The following SMAP1 variants were observed in gnomAD, a reference collection of about 807,000 sequenced individuals.
The protein encoded by SMAP1 is stromal membrane-associated protein 1.
In SMAP1, 24 loss-of-function variants were observed where a neutral mutation model predicts 58.5. That is an observed-to-expected ratio of 0.41 (90% CI 0.30 to 0.58). The LOEUF (loss-of-function observed/expected upper bound fraction) is 0.58. Among genes scored for constraint, SMAP1 ranks in the 20% least tolerant of loss-of-function variants. The probability of loss-of-function intolerance (pLI) is 0.29; values close to 1 mark genes in which losing one functional copy is unlikely to be tolerated. For missense variants in SMAP1, 563 were observed against 566.3 expected, an observed-to-expected ratio of 0.99 and a Z score of 0.06; for synonymous variants, 216 against 196.6, an observed-to-expected ratio of 1.10 and a Z score of -0.82.
intron 1 of SMAP1, among the ~76,000 whole-genome samples, chr6:70,718,658 A>G (rs1158268094): frequency 6.6e-6 from 1 of 151,954 alleles, no homozygotes; most frequent in Non-Finnish European, 1.5e-5. Flanking sequence ...CGTCTCTGCT[A>G]AAAATACAAA....
chr6:70,860,898 T>C lies in SMAP1; in HGVS notation c.*564T>C, dbSNP rs966482864. 2.3e-5 allele frequency: 9 copies of C among 389,826 alleles called. No homozygotes were observed. The East Asian group carries it at 3.3e-4, about 14-fold the overall frequency. 24.1% of individuals were successfully genotyped at this position (389,826 alleles called of 1,614,324 possible). On this transcript the variant is annotated 3_prime_UTR_variant, in exon 11 of 11. Coordinates refer to ENST00000370455, the MANE Select transcript of SMAP1 (RefSeq NM_001044305.3). ...AGTGAAAGGAAGATAAACGTGGATG[T>C]TACTCCAAAACTTCGTTTAATGAAT... is the stretch of plus-strand genomic sequence containing the variant.
chr6:70,708,982 T>C (rs1343544605), intron 1 of SMAP1, among the ~76,000 whole-genome samples: 3 of 152,208 alleles, frequency 2.0e-5, no homozygotes, highest in East Asian at 1.9e-4. Context: ...GTCCCACTTG[T>C]TTATTTTTGC....
At chr6:70,775,608 TA>T (rs1767515461) in intron 4 of SMAP1, among the ~76,000 whole-genome samples, 1 of 152,212 alleles carries the variant, frequency 6.6e-6, no homozygotes, top group African/African-American at 2.4e-5. Context: ...CAAATATGGC[TA>T]ATGTTAGTAT....
intron 1 of SMAP1, among the ~76,000 whole-genome samples, chr6:70,728,695 G>A (rs1157652860): frequency 6.6e-6 from 1 of 152,192 alleles, no homozygotes; most frequent in Non-Finnish European, 1.5e-5. Flanking sequence ...TGTTATGAGT[G>A]TAGACATTTA....
chr6:70,775,922 G>A (rs1310914875), intron 4 of SMAP1, among the ~76,000 whole-genome samples: 1 of 152,048 alleles, frequency 6.6e-6, no homozygotes, highest in African/African-American at 2.4e-5. Context: ...CTAATCTTAG[G>A]TATTACTGAG....
At chr6:70,773,266 G>A in intron 3 of SMAP1, 84 bp from the exon 4 acceptor site, 1 of 772,030 alleles carries the variant, frequency 1.3e-6, no homozygotes, top group Non-Finnish European at 2.1e-6. Flanking sequence ...TAAATTTAGA[G>A]TCCCAGCTTT....
chr6:70,849,454 T>C (rs1771106349), intron 7 of SMAP1, among the ~76,000 whole-genome samples: 2 of 152,142 alleles, frequency 1.3e-5, no homozygotes, highest in South Asian at 4.1e-4. Flanking sequence ...GGAAAGAGAA[T>C]ATGGACTTGT....
intron 1 of SMAP1, among the ~76,000 whole-genome samples, chr6:70,670,623 A>G (rs528388896): frequency 6.6e-6 from 1 of 152,340 alleles, no homozygotes; most frequent in East Asian, 1.9e-4. Context: ...AAGAAGTTTC[A>G]TTCTGTGTAT....
intron 4 of SMAP1, 68 bp from the exon 5 acceptor site, chr6:70,791,621 T>A: frequency 6.0e-6 from 8 of 1,333,792 alleles, no homozygotes; most frequent in Non-Finnish European, 8.4e-6. Context: ...TTTTCTTTCC[T>A]GTGCCTGTCA....
At chr6:70,685,284 A>G (rs1398596363) in intron 1 of SMAP1, among the ~76,000 whole-genome samples, 1 of 91,314 alleles carries the variant, frequency 1.1e-5, no homozygotes, top group East Asian at 5.0e-4. Context: ...AGTAGTTAAT[A>G]CTTTTTTTTT....
chr6:70,835,015 C>G (rs894018728), intron 6 of SMAP1, among the ~76,000 whole-genome samples: 2 of 151,282 alleles, frequency 1.3e-5, no homozygotes, highest in Non-Finnish European at 2.9e-5. Flanking sequence ...TTTGGGAGGC[C>G]GAGGCTAGCG....
chr6:70,709,618 A>G (rs539366110), intron 1 of SMAP1, among the ~76,000 whole-genome samples: 1 of 152,176 alleles, frequency 6.6e-6, no homozygotes, highest in Admixed American at 6.5e-5. Context: ...CACTGCACCC[A>G]TCCTATAATA....
chr6:70,834,065 T>G (rs982876547), intron 6 of SMAP1, among the ~76,000 whole-genome samples: 3 of 152,202 alleles, frequency 2.0e-5, no homozygotes, highest in African/African-American at 4.8e-5. Flanking sequence ...TCCAAATTGT[T>G]TGCAGTAGTT....
At chr6:70,690,874 GT>G (rs1417372585) in intron 1 of SMAP1, among the ~76,000 whole-genome samples, 2 of 148,638 alleles carry the variant, frequency 1.3e-5, no homozygotes, top group African/African-American at 4.9e-5. Context: ...CTTCCCCACT[GT>G]TTTTTTTTCC....
chr6:70,731,843 C>G (rs1018451196), intron 1 of SMAP1, among the ~76,000 whole-genome samples: 3 of 152,090 alleles, frequency 2.0e-5, no homozygotes, highest in Non-Finnish European at 1.5e-5. Flanking sequence ...AGTTAAAGAG[C>G]ACTTTCACTA....
intron 2 of SMAP1, among the ~76,000 whole-genome samples, chr6:70,742,580 T>G (rs1765861522): frequency 6.6e-6 from 1 of 152,196 alleles, no homozygotes; most frequent in Non-Finnish European, 1.5e-5. Flanking sequence ...CATTTTCCTG[T>G]CTTCTTCTGA....
chr6:70,690,688 T>TTATATA (rs111848722), intron 1 of SMAP1, among the ~76,000 whole-genome samples: 118 of 136,588 alleles, frequency 8.6e-4, no homozygotes, highest in Admixed American at 1.5e-3. Context: ...GATGTATCTT[T>TTATATA]TATATATATA....
chr6:70,814,511 T>A (rs987196539), intron 6 of SMAP1, among the ~76,000 whole-genome samples: 1 of 152,136 alleles, frequency 6.6e-6, no homozygotes, highest in African/African-American at 2.4e-5. Context: ...CCTTTTAGAT[T>A]TATAGACTGC....
chr6:70,697,753 A>G (rs1204182660), intron 1 of SMAP1, among the ~76,000 whole-genome samples: 1 of 152,210 alleles, frequency 6.6e-6, no homozygotes, highest in Non-Finnish European at 1.5e-5. Context: ...TAAACTGATG[A>G]CAACTTAATT....
Sources: gnomAD v4.1 joint callset for allele counts (sites outside exome capture counted in the v4.1 genomes callset) on GRCh38, gnomAD v4.1.1 for gene constraint, MANE v1.5 for transcripts, NCBI Gene and HGNC (gene_info 2026-07-23, HGNC 2026-07-21) for gene names.